Variants in XAB2 observed in about 807,000 individuals in gnomAD.
XAB2 encodes the protein pre-mRNA-splicing factor SYF1.
XAB2 carries 57 observed loss-of-function variants against 113.4 expected under a neutral mutation model. The observed-to-expected ratio is 0.50, with a 90% CI of 0.41 to 0.63. The LOEUF (loss-of-function observed/expected upper bound fraction) is 0.63. Ranked by LOEUF, XAB2 falls within the 20% of genes least tolerant of loss-of-function variation. XAB2 has a pLI of 0.00. For synonymous variants in XAB2, 497 were observed against 498.8 expected, an observed-to-expected ratio of 1.00 and a Z score of 0.05; for missense variants, 1,037 against 1,233.3, an observed-to-expected ratio of 0.84 and a Z score of 2.38.
rs747172055 is a variant in XAB2, at chr19:7,623,141, C to T, written c.1239+29G>A. The T allele has an allele frequency of 3.7e-5, 60 of 1,610,936 alleles. No homozygotes were observed. Among genetic ancestry groups the T allele is most frequent in the Non-Finnish European group, 4.7e-5 (55 of 1,178,728 alleles). ...ATACAAGCACACACACATGCATGAA[C>T]ACACAGGCACACGCAACAGGGTGCT... On this transcript the variant is annotated intron_variant, in intron 9 of 18. Coordinates refer to ENST00000358368, the MANE Select transcript of XAB2 (RefSeq NM_020196.3). This position sits in a 1 kb window ranked among gnomAD's most constrained non-coding sequence, Gnocchi z 4.6.
Position 7,623,076 on chromosome 19 carries a change from A to ATC in XAB2, c.1239+92_1239+93dup. On this transcript the variant is annotated intron_variant, in intron 9 of 18. Transcript: ENST00000358368. This position sits in a 1 kb window ranked among gnomAD's most constrained non-coding sequence, Gnocchi z 4.6. ...TGCACATGCACACACACGTGCACAC[A>ATC]TCCATGCACAAATATGTACACACAC... 3.2e-6 allele frequency: 5 copies of ATC among 1,576,538 alleles called. No individual in the cohort carries two copies. Among genetic ancestry groups the ATC allele is most frequent in the Non-Finnish European group, 4.3e-6 (5 of 1,161,586 alleles).
Position 7,620,221 on chromosome 19 carries a change from C to G in XAB2, c.2266+54G>C, listed in dbSNP as rs1207441557. ...GCTCCCAGACCCGGAAAGCCCAGGTCAGGCCGGGCTGAGATGCCCTGGATC... is the reference window on the plus strand; with the variant it reads ...GCTCCCAGACCCGGAAAGCCCAGGTGAGGCCGGGCTGAGATGCCCTGGATC... On this transcript the variant is annotated intron_variant, in intron 16 of 18. Coordinates refer to ENST00000358368, the MANE Select transcript of XAB2 (RefSeq NM_020196.3). 5 of 1,608,076 alleles carry G rather than the reference C, an allele frequency of 3.1e-6. No individual in the cohort carries two copies. In the South Asian group the frequency reaches 3.3e-5, roughly 11 times the overall value.
At position 7,620,548 on chromosome 19, in the gene XAB2, C is replaced by T; in HGVS notation, c.2093G>A (p.Arg698Gln). The T allele has an allele frequency of 1.9e-6, 3 of 1,613,368 alleles. No individual in the cohort carries two copies. The highest frequency in any genetic ancestry group is 2.5e-6 in the Non-Finnish European group (3 of 1,179,942). Residue 698 changes from arginine (R) to glutamine (Q), a missense_variant and splice_region_variant, in exon 15 of 19, where the codon CGG (arginine) becomes CAG (glutamine). Transcript: ENST00000358368. ...ACCCGTCCCTCCCCACAGCCCTACC[C>T]GGGGGTCACAGATCTGGGAGCAGAA... ...YSFCSQICDP[R>Q]TTGAFWQTWK... is the part of the protein sequence containing the mutation.
rs942047796 is a variant in XAB2, at chr19:7,625,059, G to C, written c.823-614C>G. 6.6e-6 allele frequency among the ~76,000 whole-genome samples: 1 copy of C among 152,230 alleles called. No individual in the cohort carries two copies. The highest frequency in any genetic ancestry group is 1.5e-5 in the Non-Finnish European group (1 of 68,038). On this transcript the variant is annotated intron_variant, in intron 6 of 18. Transcript: ENST00000358368. This position sits in a 1 kb window ranked among gnomAD's most constrained non-coding sequence, Gnocchi z 5.2. The stretch of plus-strand genomic sequence containing the variant: ...CCCCAGCCAGGAGCATGGCCAGCCC[G>C]TTTGGCTTTCGAGGCTCCCAACCTA...
rs561263665 is a variant in XAB2, at chr19:7,619,808, G to A, written c.2445C>T (p.Asn815=). ...EELAELAQQV[N]PEEIQLGEDE... ...CCTCGCCCAGCTGGATCTCCTCGGG[G>A]TTGACCTGCTGTGCCAGCTCTGCCA... Residue 815 remains asparagine, a synonymous_variant, in exon 18 of 19, where the codon AAC becomes AAT. Transcript: ENST00000358368. The A allele has an allele frequency of 6.8e-5, 110 of 1,613,512 alleles. No homozygotes were observed. In the South Asian group the frequency reaches 1.1e-3, roughly 17 times the overall value.
chr19:7,619,739 G>T lies in XAB2; in HGVS notation c.2506+8C>A. The stretch of plus-strand genomic sequence containing the variant: ...ATGCCACCGTCCCCGCCCCAGCCGG[G>T]CCCTCACCGTTGGGCTCCAGGTCCA... On this transcript the variant is annotated splice_region_variant and intron_variant, in intron 18 of 18. Coordinates refer to ENST00000358368, the MANE Select transcript of XAB2 (RefSeq NM_020196.3). 6.2e-7 allele frequency: 1 copy of T among 1,613,458 alleles called. No homozygotes were observed. The highest frequency in any genetic ancestry group is 8.5e-7 in the Non-Finnish European group (1 of 1,179,782).
Position 7,623,730 on chromosome 19 carries a change from C to A in XAB2, c.1119+1G>T. On this transcript the variant is annotated splice_donor_variant, in intron 8 of 18. Coordinates refer to ENST00000358368, the MANE Select transcript of XAB2 (RefSeq NM_020196.3). LOFTEE classifies it high-confidence loss of function. This position sits in a 1 kb window ranked among gnomAD's most constrained non-coding sequence, Gnocchi z 4.6. ...GTAGGACTGGGGCAGGCTTCATGTACCTCCCGGGGGCGGCCCTGGTGCAGG... is the reference window on the plus strand; with the variant it reads ...GTAGGACTGGGGCAGGCTTCATGTAACTCCCGGGGGCGGCCCTGGTGCAGG... 1 of 1,594,994 alleles carries A rather than the reference C, an allele frequency of 6.3e-7. No homozygotes were observed.
Position 7,626,710 on chromosome 19 carries a change from T to C in XAB2, c.523-440A>G, listed in dbSNP as rs2031147465. 2.6e-5 allele frequency among the ~76,000 whole-genome samples: 4 copies of C among 151,312 alleles called. No individual in the cohort carries two copies. In the South Asian group the frequency reaches 6.3e-4, roughly 24 times the overall value. ...CCTGACTGGTCTAGCCTTGGCCCCTTTGGGTCAGCCTTGATCCCATGGGTC... is the reference window on the plus strand; with the variant it reads ...CCTGACTGGTCTAGCCTTGGCCCCTCTGGGTCAGCCTTGATCCCATGGGTC... On this transcript the variant is annotated intron_variant, in intron 4 of 18. Transcript: ENST00000358368.
Position 7,629,488 on chromosome 19 carries a change from C to T in XAB2, c.40G>A (p.Asp14Asn), listed in dbSNP as rs765949879. ...MARLSRPERPDLVFEEEDLPY... is the reference protein window; with the variant it reads ...MARLSRPERPNLVFEEEDLPY... ...CTCTGTGGACTCACGAAGACAAGGT[C>T]CGGCCGCTCGGGCCGCGAGAGTCGC... is the stretch of plus-strand genomic sequence containing the variant. Residue 14 changes from aspartate (D) to asparagine (N), a missense_variant, in exon 1 of 19, where the codon GAC becomes AAC. Physicochemically the swap from Asp to Asn is conservative, Grantham distance 23 (BLOSUM62 1). Transcript: ENST00000358368. 3 of 1,602,374 alleles carry T rather than the reference C, an allele frequency of 1.9e-6. No individual in the cohort carries two copies. Among genetic ancestry groups the T allele is most frequent in the Middle Eastern group, 3.3e-4 (2 of 6,040 alleles).
Position 7,624,419 on chromosome 19 carries a change from G to A in XAB2, c.849C>T (p.Ile283=), listed in dbSNP as rs761555182. Residue 283 remains isoleucine, a synonymous_variant, in exon 7 of 19, where the codon ATC becomes ATT. Coordinates refer to ENST00000358368, the MANE Select transcript of XAB2 (RefSeq NM_020196.3). This position sits in a 1 kb window ranked among gnomAD's most constrained non-coding sequence, Gnocchi z 4.2. ...EKARDVYEEA[I]RTVMTVRDFT... is the part of the protein sequence containing the mutation. ...AGTCCCGCACGGTCATCACTGTCCGGATGGCCTCCTCGTACACGTCCCGAG... is the reference window on the plus strand; with the variant it reads ...AGTCCCGCACGGTCATCACTGTCCGAATGGCCTCCTCGTACACGTCCCGAG... The A allele has an allele frequency of 2.5e-5, 41 of 1,614,150 alleles. No homozygotes were observed. In the East Asian group the frequency reaches 8.7e-4, roughly 34 times the overall value.
Position 7,625,092 on chromosome 19 carries a change from T to C in XAB2, c.823-647A>G, listed in dbSNP as rs993633516. The stretch of plus-strand genomic sequence containing the variant: ...TTCGAGGCTCCCAACCTATCTTCCC[T>C]GGGTTCCTGAGCCTCCCCGCTCTCG... On this transcript the variant is annotated intron_variant, in intron 6 of 18. Coordinates refer to ENST00000358368, the MANE Select transcript of XAB2 (RefSeq NM_020196.3). This position sits in a 1 kb window ranked among gnomAD's most constrained non-coding sequence, Gnocchi z 5.2. Among the ~76,000 whole-genome samples the C allele has an allele frequency of 2.0e-5, 3 of 152,198 alleles. No individual in the cohort carries two copies. The highest frequency in any genetic ancestry group is 2.4e-5 in the African/African-American group (1 of 41,452).
At position 7,620,040 on chromosome 19, in the gene XAB2, CG is replaced by C; in HGVS notation, c.2301del (p.Asp767GlufsTer3). 6.2e-7 allele frequency: 1 copy of C among 1,612,386 alleles called. No individual in the cohort carries two copies. The stretch of plus-strand genomic sequence containing the variant: ...GCCCGCTGTTCCAGCAGCTTCATGT[CG>C]TCCATGCCACTCTGCCCAGGGGCCA... The part of the protein sequence containing the change: ...SDLAPGQSGM[D>X]DMKLLEQRAE... On this transcript the variant is annotated frameshift_variant, in exon 17 of 19. Coordinates refer to ENST00000358368, the MANE Select transcript of XAB2 (RefSeq NM_020196.3). LOFTEE classifies it high-confidence loss of function.
rs2031092168 is a variant in XAB2 at position 7,624,136 on chromosome 19, T to TCCTGGCTCCTTCAAGACCCCCACA, written c.967+141_967+164dup. Among the ~76,000 whole-genome samples, 1 of 150,898 alleles carries TCCTGGCTCCTTCAAGACCCCCACA rather than the reference T, an allele frequency of 6.6e-6. No individual in the cohort carries two copies. The highest frequency in any genetic ancestry group is 2.4e-5 in the African/African-American group (1 of 40,874). The stretch of plus-strand genomic sequence containing the variant: ...GCCCAGGCCTGAGAAGTGTCCCCAT[T>TCCTGGCTCCTTCAAGACCCCCACA]CCTGGCTCCTTCAAGACCCCCACAC... On this transcript the variant is annotated intron_variant, in intron 7 of 18. Coordinates refer to ENST00000358368, the MANE Select transcript of XAB2 (RefSeq NM_020196.3). This position sits in a 1 kb window ranked among gnomAD's most constrained non-coding sequence, Gnocchi z 4.2.
At position 7,623,813 on chromosome 19, in the gene XAB2, T is replaced by C. The variant is rs2031084643; in HGVS notation, c.1037A>G (p.Asn346Ser). 1 of 1,611,778 alleles carries C rather than the reference T, an allele frequency of 6.2e-7. No homozygotes were observed. Among genetic ancestry groups the C allele is most frequent in the African/African-American group, 1.3e-5 (1 of 74,808 alleles). ...QLISRRPLLL[N>S]SVLLRQNPHH... is the part of the protein sequence containing the mutation. ...TGGGTTTTGGCGCAGCAAGACGCTG[T>C]TGAGGAGCAGGGGCCGCCGGCTGAT... is the stretch of plus-strand genomic sequence containing the variant. Residue 346 changes from asparagine (N) to serine (S), a missense_variant, in exon 8 of 19, where the codon AAC becomes AGC. Physicochemically the swap from Asn to Ser is conservative, Grantham distance 46. Transcript: ENST00000358368. This position sits in a 1 kb window ranked among gnomAD's most constrained non-coding sequence, Gnocchi z 4.6.
In XAB2 at chr19:7,620,472, G is replaced by A. The variant is rs554681666; in HGVS notation, c.2095-26C>T. On this transcript the variant is annotated intron_variant, in intron 15 of 18. Transcript: ENST00000358368. ...CTGCGTGGGGGGCAGGGCAGGGGTG[G>A]GTGTGTGTGCCCGTGAGCTGGCTGA... 2.5e-6 allele frequency: 4 copies of A among 1,608,300 alleles called. No homozygotes were observed. The South Asian group carries it at 3.3e-5, about 13-fold the overall frequency.
chr19:7,623,078 C>T lies in XAB2; in HGVS notation c.1239+92G>A, dbSNP rs1019291533. The T allele has an allele frequency of 2.5e-6, 4 of 1,575,042 alleles. No individual in the cohort carries two copies. In the African/African-American group the frequency reaches 4.0e-5, roughly 16 times the overall value. On this transcript the variant is annotated intron_variant, in intron 9 of 18. Coordinates refer to ENST00000358368, the MANE Select transcript of XAB2 (RefSeq NM_020196.3). The surrounding 1 kb of genome is among the most constrained non-coding windows in gnomAD (Gnocchi z 4.6). ...CACATGCACACACACGTGCACACAT[C>T]CATGCACAAATATGTACACACACAT...
At chr19:7,621,907 C>T in intron 12 of XAB2, 1 of 211,926 alleles carries the variant, frequency 4.7e-6, no homozygotes. Context: ...AACTGTGCCC[C>T]CCTCAAAACA....
chr19:7,619,575 G>A lies in XAB2; in HGVS notation c.*11C>T. 1 of 1,459,780 alleles carries A rather than the reference G, an allele frequency of 6.9e-7. No homozygotes were observed. Among genetic ancestry groups the A allele is most frequent in the Non-Finnish European group, 9.4e-7 (1 of 1,064,768 alleles). The allele number at this position is 1,459,780 out of a possible 1,614,324, so 90.4% of individuals were successfully genotyped here. A position where few individuals can be genotyped will look rare whatever the true frequency, so the allele number is the denominator to read the frequency against. On this transcript the variant is annotated 3_prime_UTR_variant, in exon 19 of 19. Coordinates refer to ENST00000358368, the MANE Select transcript of XAB2 (RefSeq NM_020196.3). ...GGAGGGGGTGGGGAGGGGGGATGGG[G>A]GAGGGACGGGTCAGTCTTCCTTCAG...
In XAB2 at chr19:7,619,569, G is replaced by A. The variant is rs777313247; in HGVS notation, c.*17C>T. Reference sequence around the variant, plus strand: ...TATTGGGGAGGGGGTGGGGAGGGGGGATGGGGGAGGGACGGGTCAGTCTTC... The same window carrying A: ...TATTGGGGAGGGGGTGGGGAGGGGGAATGGGGGAGGGACGGGTCAGTCTTC... On this transcript the variant is annotated 3_prime_UTR_variant, in exon 19 of 19. Coordinates refer to ENST00000358368, the MANE Select transcript of XAB2 (RefSeq NM_020196.3). The A allele has an allele frequency of 4.7e-6, 4 of 856,012 alleles. No homozygotes were observed. The highest frequency in any genetic ancestry group is 3.7e-5 in the African/African-American group (2 of 54,302). 53.0% of individuals were successfully genotyped at this position (856,012 alleles called of 1,614,324 possible).
Sources: gnomAD v4.1 joint callset for allele counts (sites outside exome capture counted in the v4.1 genomes callset) on GRCh38, gnomAD v4.1.1 for gene constraint, Gnocchi (gnomAD v3.1) non-coding constraint, MANE v1.5 for transcripts, NCBI Gene and HGNC (gene_info 2026-07-23, HGNC 2026-07-21) for gene names.